The following BCKDHB variants were observed in gnomAD, a reference collection of about 807,000 sequenced individuals.
The protein encoded by BCKDHB is 2-oxoisovalerate dehydrogenase subunit beta, mitochondrial.
Under a neutral mutation model 48.5 loss-of-function variants are expected in BCKDHB, and 41 were observed. That is an observed-to-expected ratio of 0.85 (90% CI 0.66 to 1.10). The LOEUF (loss-of-function observed/expected upper bound fraction) is 1.10. Ranked by LOEUF, BCKDHB falls within the 50% of genes least tolerant of loss-of-function variation. BCKDHB has a pLI of 0.00. For synonymous variants in BCKDHB, 201 were observed against 174.8 expected (o/e 1.15, Z -1.18); for missense variants, 496 against 494.2 (o/e 1.00, Z -0.03).
the BCKDHB span, among the ~76,000 whole-genome samples, chr6:80,369,422 A>G: frequency 2.6e-5 from 4 of 152,230 alleles, no homozygotes; most frequent in African/African-American, 4.8e-5. Flanking sequence ...AACAACATCA[A>G]TAACAAAAAA....
Position 80,138,484 on chromosome 6 carries a change from C to A in BCKDHB, c.343+9255C>A, listed in dbSNP as rs561100105. Among the ~76,000 whole-genome samples, 3 of 152,112 alleles carry A rather than the reference C, an allele frequency of 2.0e-5. No homozygotes were observed. In the South Asian group the frequency reaches 6.2e-4, roughly 32 times the overall value. On this transcript the variant is annotated intron_variant, in intron 3 of 9. Transcript: ENST00000320393. Reference sequence around the variant, plus strand: ...ACAGTCCCCAGAGTGTGATGTTCCCCGTCCTGTGTCCATGTGTTCTCATTG... The same window carrying A: ...ACAGTCCCCAGAGTGTGATGTTCCCAGTCCTGTGTCCATGTGTTCTCATTG...
At chr6:80,163,392 A>G (rs1440691414) in intron 3 of BCKDHB, among the ~76,000 whole-genome samples, 5 of 148,870 alleles carry the variant, frequency 3.4e-5, no homozygotes, top group African/African-American at 1.2e-4. Flanking sequence ...CTCAGTCCTC[A>G]TCTCACTTTT....
intron 9 of BCKDHB, among the ~76,000 whole-genome samples, chr6:80,308,597 C>CTTTTTTT (rs34359456): frequency 7.2e-6 from 1 of 138,630 alleles, no homozygotes; most frequent in Non-Finnish European, 1.5e-5. Flanking sequence ...TCTTCTTCTT[C>CTTTTTTT]TTTTTTTTTT....
chr6:80,299,955 C>T (rs1767488319), intron 9 of BCKDHB, among the ~76,000 whole-genome samples: 1 of 151,990 alleles, frequency 6.6e-6, no homozygotes, highest in African/African-American at 2.4e-5. Flanking sequence ...CTTCAGTAGA[C>T]CCATATCACA....
chr6:80,113,741 C>A (rs578197482), intron 1 of BCKDHB, among the ~76,000 whole-genome samples: 1 of 152,082 alleles, frequency 6.6e-6, no homozygotes, highest in Non-Finnish European at 1.5e-5. Flanking sequence ...CAACAAAAGC[C>A]GAGATTTATT....
intron 1 of BCKDHB, among the ~76,000 whole-genome samples, chr6:80,107,553 ATATG>A (rs1769183278): frequency 3.0e-5 from 4 of 134,264 alleles, no homozygotes; most frequent in Admixed American, 2.9e-4. Flanking sequence ...GCACACATAT[ATATG>A]CATATATATA....
rs141287117 is a variant in BCKDHB, at chr6:80,184,138, A to G, written c.742+12748A>G. Among the ~76,000 whole-genome samples the G allele has an allele frequency of 1.7e-3, 264 of 152,226 alleles. 1 individual carries two copies. Among genetic ancestry groups the G allele is most frequent in the African/African-American group, 6.0e-3 (250 of 41,554 alleles). ...ATAAATTTGGGAGCTCCAGTGTTAG[A>G]TGCATATTATTTAGGATTGTGATAT... On this transcript the variant is annotated intron_variant, in intron 6 of 9. Transcript: ENST00000320393.
intron 5 of BCKDHB, chr6:80,169,920 G>C: frequency 6.5e-7 from 1 of 1,532,248 alleles, no homozygotes; most frequent in East Asian, 2.4e-5. Flanking sequence ...TTATTTTTGT[G>C]CTTGAGCTAA....
At chr6:80,420,766 C>A in the BCKDHB span, among the ~76,000 whole-genome samples, 1 of 152,148 alleles carries the variant, frequency 6.6e-6, no homozygotes, top group Admixed American at 6.5e-5. Flanking sequence ...CTGCCGATGC[C>A]CTCAGTGTTC....
At chr6:80,381,966 G>C in the BCKDHB span, among the ~76,000 whole-genome samples, 1 of 151,970 alleles carries the variant, frequency 6.6e-6, no homozygotes, top group Non-Finnish European at 1.5e-5. Context: ...CATGTCATTT[G>C]TTATATTTTT....
chr6:80,466,034 C>T, the BCKDHB span: 27 of 152,112 alleles, frequency 1.8e-4, no homozygotes, highest in Admixed American at 3.3e-4. Flanking sequence ...ATTAATTTGT[C>T]GTAATTATCT....
At chr6:80,228,598 G>A (rs182029089) in intron 8 of BCKDHB, among the ~76,000 whole-genome samples, 4 of 152,326 alleles carry the variant, frequency 2.6e-5, no homozygotes. Context: ...GTGGGAGATA[G>A]CTAGAGAACT....
chr6:80,299,497 G>T (rs1465721524), intron 9 of BCKDHB, among the ~76,000 whole-genome samples: 1 of 152,150 alleles, frequency 6.6e-6, no homozygotes, highest in Non-Finnish European at 1.5e-5. Flanking sequence ...AGGGGTTCTT[G>T]GATCTCGTGC....
intron 6 of BCKDHB, among the ~76,000 whole-genome samples, chr6:80,173,703 C>A (rs1773022404): frequency 6.6e-6 from 1 of 151,750 alleles, no homozygotes; most frequent in African/African-American, 2.4e-5. Flanking sequence ...TTATTTTATT[C>A]TTAGTTCTTA....
chr6:80,352,488 C>T, the BCKDHB span, among the ~76,000 whole-genome samples: 2 of 152,160 alleles, frequency 1.3e-5, no homozygotes, highest in Non-Finnish European at 2.9e-5. Context: ...CATTCTTTCT[C>T]TCATTCTGTA....
At chr6:80,350,329 A>G (rs540015718), downstream of BCKDHB, among the ~76,000 whole-genome samples, 1 of 152,278 alleles carries the variant, frequency 6.6e-6, no homozygotes, top group South Asian at 2.1e-4. Flanking sequence ...AACGAAAAAT[A>G]AAAGTAGTAA....
chr6:80,451,423 T>C, the BCKDHB span, among the ~76,000 whole-genome samples: 2 of 152,254 alleles, frequency 1.3e-5, no homozygotes, highest in East Asian at 3.9e-4. Flanking sequence ...GGTCCCAAAA[T>C]ATCTTGAGGT....
chr6:80,196,229 C>A (rs1774122345), intron 6 of BCKDHB, among the ~76,000 whole-genome samples: 1 of 152,132 alleles, frequency 6.6e-6, no homozygotes, highest in African/African-American at 2.4e-5. Context: ...TCAGTATTCA[C>A]CTTTACTTGA....
At chr6:80,407,839 C>T in the BCKDHB span, among the ~76,000 whole-genome samples, 1 of 152,052 alleles carries the variant, frequency 6.6e-6, no homozygotes, top group Non-Finnish European at 1.5e-5. Context: ...AATTGAATAC[C>T]CTTTATTTCT....
Sources: gnomAD v4.1 joint callset for allele counts (sites outside exome capture counted in the v4.1 genomes callset) on GRCh38, gnomAD v4.1.1 for gene constraint, MANE v1.5 for transcripts, NCBI Gene and HGNC (gene_info 2026-07-23, HGNC 2026-07-21) for gene names.